SYNPO2: variants seen among roughly 807,000 people sequenced by gnomAD.
SYNPO2 encodes the protein synaptopodin 2, also known as synaptopodin-2.
In SYNPO2, 56 loss-of-function variants were observed where a neutral mutation model predicts 85.0. The ratio of observed to expected loss-of-function variants is 0.66; its 90% CI spans 0.53 to 0.82. The LOEUF (loss-of-function observed/expected upper bound fraction) is 0.82, where lower values mean the gene tolerates loss of function less well. SYNPO2 is among the 40% of genes least tolerant of loss of function. SYNPO2 has a pLI of 0.00. For synonymous variants in SYNPO2, 602 were observed against 591.1 expected, an observed-to-expected ratio of 1.02 and a Z score of -0.27; for missense variants, 1,575 against 1,534.2, an observed-to-expected ratio of 1.03 and a Z score of -0.44.
chr4:119,048,408 C>G (rs1738936545), intron 4 of SYNPO2, among the ~76,000 whole-genome samples: 1 of 152,214 alleles, frequency 6.6e-6, no homozygotes. Context: ...GTGCCAAGTA[C>G]TGTTCTAGGG....
chr4:118,997,444 C>T (rs1407523381), intron 1 of SYNPO2, among the ~76,000 whole-genome samples: 1 of 152,024 alleles, frequency 6.6e-6, no homozygotes, highest in Non-Finnish European at 1.5e-5. Flanking sequence ...CCTGAAGACA[C>T]GGGACACTGA....
intron 1 of SYNPO2, among the ~76,000 whole-genome samples, chr4:119,004,855 T>C (rs955679192): frequency 6.6e-6 from 1 of 151,948 alleles, no homozygotes; most frequent in African/African-American, 2.4e-5. Flanking sequence ...AGTGTAAAAG[T>C]GTTCCTATTT....
At chr4:118,861,361 C>A (rs1285378273) in intron 1 of SYNPO2, among the ~76,000 whole-genome samples, 2 of 152,044 alleles carry the variant, frequency 1.3e-5, no homozygotes, top group South Asian at 2.1e-4. Context: ...TTAGTAGAGG[C>A]AGGGTTTCAC....
At chr4:119,039,110 T>G (rs997765473) in intron 4 of SYNPO2, among the ~76,000 whole-genome samples, 1 of 152,120 alleles carries the variant, frequency 6.6e-6, no homozygotes, top group African/African-American at 2.4e-5. Context: ...AGGTAACAAT[T>G]ATGGGGGCTT....
At chr4:118,940,547 G>A (rs6843718) in intron 1 of SYNPO2, among the ~76,000 whole-genome samples, 15 of 151,726 alleles carry the variant, frequency 9.9e-5, no homozygotes, top group Admixed American at 3.9e-4. Context: ...CTATGTGCTC[G>A]TTATTGGACT....
intron 1 of SYNPO2, among the ~76,000 whole-genome samples, chr4:118,952,729 A>G (rs1288065004): frequency 6.6e-6 from 1 of 152,192 alleles, no homozygotes; most frequent in East Asian, 1.9e-4. Context: ...CATTCTAGAT[A>G]GAACAATTTA....
At chr4:118,871,570 A>AT (rs1731799921) in intron 1 of SYNPO2, among the ~76,000 whole-genome samples, 1 of 50,958 alleles carries the variant, frequency 2.0e-5, no homozygotes, top group East Asian at 3.7e-4. Context: ...AATAAATAAC[A>AT]ATTTTTTTTT....
At chr4:119,052,594 C>T (rs1457141755) in intron 4 of SYNPO2, among the ~76,000 whole-genome samples, 1 of 152,164 alleles carries the variant, frequency 6.6e-6, no homozygotes, top group South Asian at 2.1e-4. Context: ...GCAGAGTTAG[C>T]GACCTGAGAG....
intron 1 of SYNPO2, among the ~76,000 whole-genome samples, chr4:118,880,435 AGAT>A (rs1358788965): frequency 6.6e-6 from 1 of 152,174 alleles, no homozygotes; most frequent in Non-Finnish European, 1.5e-5. Context: ...TCCATGAAAA[AGAT>A]GATTTTGTTC....
At chr4:119,035,012 G>T in intron 4 of SYNPO2, 1 of 985,478 alleles carries the variant, frequency 1.0e-6, no homozygotes, top group Non-Finnish European at 1.2e-6. Context: ...TCTAGGCAGA[G>T]CATCCACGAA....
At chr4:118,995,613 T>A (rs760473994) in intron 1 of SYNPO2, among the ~76,000 whole-genome samples, 21 of 152,214 alleles carry the variant, frequency 1.4e-4, no homozygotes, top group Non-Finnish European at 2.9e-4. Flanking sequence ...CAGTATAATG[T>A]GTTTTGTAAG....
intron 1 of SYNPO2, among the ~76,000 whole-genome samples, chr4:118,940,365 C>T (rs1159211483): frequency 6.6e-6 from 1 of 152,050 alleles, no homozygotes; most frequent in Non-Finnish European, 1.5e-5. Flanking sequence ...TCTTCTCTCC[C>T]CTCTAATTTT....
rs76331619 is a variant in SYNPO2 at position 119,058,134 on chromosome 4, G to A, written c.*200G>A. The stretch of plus-strand genomic sequence containing the variant: ...TATACACACACACACACACACAGGT[G>A]AGTGTGAATACTTCCTTGTTGGCTG... On this transcript the variant is annotated 3_prime_UTR_variant, in exon 5 of 5. Transcript: ENST00000307142. 9,737 of 418,758 alleles carry A rather than the reference G, an allele frequency of 0.023. 591 individuals carry two copies. The highest frequency in any genetic ancestry group is 0.15 in the East Asian group (3,694 of 24,588). The allele number at this position is 418,758 out of a possible 1,614,324, so 25.9% of individuals were successfully genotyped here. A position where few individuals can be genotyped will look rare whatever the true frequency, so the allele number is the denominator to read the frequency against.
At chr4:118,889,680 T>C (rs1732299472) in intron 1 of SYNPO2, among the ~76,000 whole-genome samples, 1 of 152,240 alleles carries the variant, frequency 6.6e-6, no homozygotes, top group African/African-American at 2.4e-5. Flanking sequence ...AATACCCTTT[T>C]AAGGATTTGA....
chr4:118,966,838 T>A (rs1321614233), intron 1 of SYNPO2, among the ~76,000 whole-genome samples: 1 of 152,158 alleles, frequency 6.6e-6, no homozygotes, highest in Non-Finnish European at 1.5e-5. Flanking sequence ...ATGAAGTTTT[T>A]AAAGTATCTG....
chr4:119,009,839 A>C (rs890960040), intron 1 of SYNPO2, among the ~76,000 whole-genome samples: 2 of 152,236 alleles, frequency 1.3e-5, no homozygotes, highest in African/African-American at 4.8e-5. Flanking sequence ...AGTCTCAAAC[A>C]CTAGTGTGTA....
chr4:118,956,215 G>T (rs1214872967), intron 1 of SYNPO2, among the ~76,000 whole-genome samples: 1 of 152,054 alleles, frequency 6.6e-6, no homozygotes, highest in Non-Finnish European at 1.5e-5. Context: ...GAAACTGGGG[G>T]GCTAACATAA....
intron 1 of SYNPO2, among the ~76,000 whole-genome samples, chr4:119,019,421 A>G (rs904241390): frequency 1.3e-5 from 2 of 152,202 alleles, no homozygotes; most frequent in African/African-American, 4.8e-5. Flanking sequence ...AAGGAAAGGA[A>G]TTACATGATG....
chr4:118,926,539 A>C (rs999420940), intron 1 of SYNPO2, among the ~76,000 whole-genome samples: 1 of 152,112 alleles, frequency 6.6e-6, no homozygotes, highest in African/African-American at 2.4e-5. Flanking sequence ...CCATGGTTAA[A>C]TGGTAATGGC....
Sources: allele counts gnomAD v4.1 joint callset (sites outside exome capture counted in the v4.1 genomes callset), GRCh38; gene constraint gnomAD v4.1.1; transcripts MANE v1.5; gene names NCBI Gene and HGNC (gene_info 2026-07-23, HGNC 2026-07-21).